The following SMARCC1 variants were observed in gnomAD, a reference collection of about 807,000 sequenced individuals.
SMARCC1 encodes SWI/SNF complex subunit SMARCC1.
SMARCC1 carries 43 observed loss-of-function variants against 147.4 expected under a neutral mutation model. The ratio of observed to expected loss-of-function variants is 0.29; its 90% CI spans 0.23 to 0.38. The LOEUF is 0.38. SMARCC1 is among the 10% of genes least tolerant of loss of function. SMARCC1 has a pLI of 1.00. For missense variants in SMARCC1, 1,119 were observed against 1,381.1 expected, an observed-to-expected ratio of 0.81 and a Z score of 3.01; for synonymous variants, 495 against 484.4, an observed-to-expected ratio of 1.02 and a Z score of -0.29.
intron 3 of SMARCC1, among the ~76,000 whole-genome samples, chr3:47,745,507 GT>G (rs1201488650): frequency 6.6e-6 from 1 of 152,124 alleles, no homozygotes; most frequent in Non-Finnish European, 1.5e-5. Flanking sequence ...GAGGCCAGGA[GT>G]TTGAGAGCAG....
intron 2 of SMARCC1, among the ~76,000 whole-genome samples, chr3:47,758,427 G>A (rs2034729756): frequency 6.6e-6 from 1 of 150,816 alleles, no homozygotes; most frequent in Non-Finnish European, 1.5e-5. Context: ...TATATGCCTA[G>A]GCTAAGACAA....
intron 14 of SMARCC1, among the ~76,000 whole-genome samples, chr3:47,685,008 C>A (rs1021073150): frequency 2.6e-5 from 4 of 152,202 alleles, no homozygotes; most frequent in African/African-American, 9.6e-5. Context: ...TAGATCTTAG[C>A]AAGCTCAGCA....
chr3:47,608,724 C>T (rs2032517385), intron 26 of SMARCC1, among the ~76,000 whole-genome samples: 1 of 151,872 alleles, frequency 6.6e-6, no homozygotes, highest in Admixed American at 6.6e-5. Flanking sequence ...TGGCATGCAC[C>T]TGTAGTCACA....
intron 19 of SMARCC1, among the ~76,000 whole-genome samples, chr3:47,665,293 C>T (rs540584122): frequency 6.6e-6 from 1 of 152,230 alleles, no homozygotes; most frequent in East Asian, 1.9e-4. Context: ...ATTCAGTAAC[C>T]TCAGGTAGTT....
chr3:47,627,900 T>G (rs2032835293), intron 24 of SMARCC1, among the ~76,000 whole-genome samples: 1 of 151,812 alleles, frequency 6.6e-6, no homozygotes, highest in African/African-American at 2.4e-5. Context: ...TTTAAAAACT[T>G]TTTGTAGAGA....
At chr3:47,663,175 G>A (rs1403437677) in intron 19 of SMARCC1, among the ~76,000 whole-genome samples, 4 of 92,472 alleles carry the variant, frequency 4.3e-5, no homozygotes, top group African/African-American at 1.6e-4. Flanking sequence ...TAGGGGAGAG[G>A]AGGGGAGAGG....
At chr3:47,652,304 G>A (rs1223344142) in intron 21 of SMARCC1, among the ~76,000 whole-genome samples, 2 of 151,878 alleles carry the variant, frequency 1.3e-5, no homozygotes, top group African/African-American at 4.9e-5. Flanking sequence ...GTGGCATATA[G>A]AGGAAGTCAA....
At chr3:47,713,318 A>AAAAT (rs144722768) in intron 8 of SMARCC1, among the ~76,000 whole-genome samples, 6,112 of 146,656 alleles carry the variant, frequency 0.042, 267 homozygotes, top group African/African-American at 0.11. Flanking sequence ...ACTCCGTCTC[A>AAAAT]AAATAAATAA....
chr3:47,748,273 G>A (rs551066925), intron 2 of SMARCC1, among the ~76,000 whole-genome samples: 48 of 152,292 alleles, frequency 3.2e-4, no homozygotes, highest in Non-Finnish European at 6.0e-4. Context: ...GAGTACAGCT[G>A]GGTGATCATG....
intron 5 of SMARCC1, 39 bp downstream of exon 5, chr3:47,735,995 A>G (rs543243111): frequency 1.0e-4 from 94 of 921,464 alleles, no homozygotes; most frequent in South Asian, 6.3e-4. Context: ...AAATGAAGTG[A>G]TCGTGTCTAT....
intron 3 of SMARCC1, 53 bp from the exon 4 acceptor site, chr3:47,738,163 G>A: frequency 8.0e-7 from 1 of 1,251,994 alleles, no homozygotes; most frequent in Non-Finnish European, 1.1e-6. Flanking sequence ...AAACACAAAT[G>A]AAAACTTGGT....
intron 7 of SMARCC1, among the ~76,000 whole-genome samples, chr3:47,718,596 C>T (rs1386115668): frequency 6.6e-6 from 1 of 151,848 alleles, no homozygotes; most frequent in Non-Finnish European, 1.5e-5. Flanking sequence ...TAAAAGACTA[C>T]AAATAAGGTG....
At chr3:47,775,754 G>A (rs2034966792) in intron 1 of SMARCC1, among the ~76,000 whole-genome samples, 1 of 151,624 alleles carries the variant, frequency 6.6e-6, no homozygotes, top group African/African-American at 2.4e-5. Context: ...CTCCAGCCTG[G>A]GTGCACTCCA....
At chr3:47,776,276 C>T (rs933825816) in intron 1 of SMARCC1, among the ~76,000 whole-genome samples, 1 of 152,194 alleles carries the variant, frequency 6.6e-6, no homozygotes, top group African/African-American at 2.4e-5. Flanking sequence ...TAATGTACTG[C>T]ACTTTTTTTG....
chr3:47,781,641 C>T lies in SMARCC1; in HGVS notation c.157G>A (p.Asp53Asn). Reference protein sequence around the residue: ...WESPETVSQLDSVRVWLGKHY... With the variant: ...WESPETVSQLNSVRVWLGKHY... ...TTGCCCAGCCAGACCCGCACCGAAT[C>T]CAGCTGGGACACCGTCTCCGGGCTC... The change falls in exon 1 of 28, where the codon GAT (aspartate) becomes AAT (asparagine). Residue 53 changes from aspartate (D) to asparagine (N), a missense_variant. Coordinates refer to ENST00000254480, the MANE Select transcript of SMARCC1 (RefSeq NM_003074.4). 1 of 1,555,012 alleles carries T rather than the reference C, an allele frequency of 6.4e-7. No homozygotes were observed. Among genetic ancestry groups the T allele is most frequent in the Non-Finnish European group, 8.7e-7 (1 of 1,154,750 alleles).
At chr3:47,638,141 A>G (rs957548538) in intron 22 of SMARCC1, among the ~76,000 whole-genome samples, 1 of 152,146 alleles carries the variant, frequency 6.6e-6, no homozygotes, top group Admixed American at 6.5e-5. Flanking sequence ...CCCAGGATGG[A>G]GTGCAGTGGC....
intron 26 of SMARCC1, among the ~76,000 whole-genome samples, chr3:47,606,526 A>AC (rs1443652351): frequency 6.6e-6 from 1 of 152,106 alleles, no homozygotes; most frequent in Non-Finnish European, 1.5e-5. Context: ...AAGTAGACGC[A>AC]CCTCTCTGCC....
chr3:47,754,841 G>A (rs867674429), intron 2 of SMARCC1, among the ~76,000 whole-genome samples: 42 of 152,200 alleles, frequency 2.8e-4, no homozygotes, highest in African/African-American at 8.2e-4. Flanking sequence ...TCAGGAGTTC[G>A]AGACCAGCCT....
chr3:47,657,889 C>A (rs1437600185), intron 21 of SMARCC1, among the ~76,000 whole-genome samples: 2 of 151,790 alleles, frequency 1.3e-5, no homozygotes, highest in African/African-American at 4.8e-5. Flanking sequence ...TAGAATGTCG[C>A]AAAAGCAGTG....
Sources: gnomAD v4.1 joint callset for allele counts (sites outside exome capture counted in the v4.1 genomes callset) on GRCh38, gnomAD v4.1.1 for gene constraint, MANE v1.5 for transcripts, NCBI Gene and HGNC (gene_info 2026-07-23, HGNC 2026-07-21) for gene names.